UNC13C: variants seen among roughly 807,000 people sequenced by gnomAD.
The protein encoded by UNC13C is protein unc-13 homolog C.
Under a neutral mutation model 245.4 loss-of-function variants are expected in UNC13C, and 174 were observed. The ratio of observed to expected loss-of-function variants is 0.71; its 90% CI spans 0.63 to 0.80. The LOEUF is 0.80. Ranked by LOEUF, UNC13C falls within the 30% of genes least tolerant of loss-of-function variation. The pLI, the probability that UNC13C is intolerant of heterozygous loss-of-function variation, is 0.00. For missense variants in UNC13C, 2,829 were observed against 2,602.9 expected (o/e 1.09, Z -1.89); for synonymous variants, 992 against 895.1 (o/e 1.11, Z -1.93).
chr15:54,334,617 G>A (rs2038525808), intron 16 of UNC13C, among the ~76,000 whole-genome samples: 1 of 152,026 alleles, frequency 6.6e-6, no homozygotes, highest in Admixed American at 6.6e-5. Context: ...GACACAAAGG[G>A]AAACCATACT....
At chr15:54,569,631 A>T (rs1311462920) in intron 30 of UNC13C, among the ~76,000 whole-genome samples, 1 of 151,938 alleles carries the variant, frequency 6.6e-6, no homozygotes, top group Non-Finnish European at 1.5e-5. Context: ...ACTATGGTAT[A>T]TGGAATTTGG....
At chr15:53,974,246 G>A (rs1294768437), upstream of UNC13C, among the ~76,000 whole-genome samples, 1 of 152,132 alleles carries the variant, frequency 6.6e-6, no homozygotes, top group Non-Finnish European at 1.5e-5. Context: ...GGTTTGTTCT[G>A]GCACAAATTT....
chr15:53,889,760 T>C, the UNC13C span, among the ~76,000 whole-genome samples: 1 of 152,190 alleles, frequency 6.6e-6, no homozygotes, highest in Non-Finnish European at 1.5e-5. Flanking sequence ...GTTTTTAGCA[T>C]GAAGGGTGTT....
At chr15:54,401,399 A>G (rs2040180377) in intron 18 of UNC13C, among the ~76,000 whole-genome samples, 1 of 151,994 alleles carries the variant, frequency 6.6e-6, no homozygotes, top group African/African-American at 2.4e-5. Context: ...CTGTGATTAA[A>G]CTCCTCCTAC....
the UNC13C span, chr15:53,955,700 T>C: frequency 2.0e-5 from 3 of 152,118 alleles, no homozygotes; most frequent in African/African-American, 7.2e-5. Context: ...AGAAAGAGGA[T>C]TGGTTTTAAA....
intron 19 of UNC13C, among the ~76,000 whole-genome samples, chr15:54,468,342 A>G (rs1471606767): frequency 6.6e-6 from 1 of 151,544 alleles, no homozygotes; most frequent in Non-Finnish European, 1.5e-5. Flanking sequence ...GTATTAATGT[A>G]TTTTGGATAT....
intron 4 of UNC13C, among the ~76,000 whole-genome samples, chr15:54,198,369 T>TGAAAACACCACCTCCTG (rs1475055714): frequency 1.3e-5 from 2 of 152,094 alleles, no homozygotes; most frequent in Non-Finnish European, 2.9e-5. Context: ...GATGTACTCT[T>TGAAAACACCACCTCCTG]GAAAACACCA....
intron 25 of UNC13C, among the ~76,000 whole-genome samples, chr15:54,529,750 T>G (rs1210562841): frequency 2.6e-5 from 4 of 152,174 alleles, no homozygotes; most frequent in Admixed American, 2.6e-4. Context: ...GGGAATGACT[T>G]GACTGCAATA....
intron 2 of UNC13C, among the ~76,000 whole-genome samples, chr15:54,118,180 T>C (rs978334131): frequency 1.3e-5 from 2 of 152,164 alleles, no homozygotes; most frequent in African/African-American, 4.8e-5. Flanking sequence ...TTGTTTTTTC[T>C]ATTTTTGTGA....
At chr15:54,542,102 G>GGCATGCCA (rs1896272683) in intron 26 of UNC13C, among the ~76,000 whole-genome samples, 1 of 152,040 alleles carries the variant, frequency 6.6e-6, no homozygotes, top group Non-Finnish European at 1.5e-5. Context: ...AAACCTAGGT[G>GGCATGCCA]ACCGATATCA....
chr15:54,227,873 A>G (rs1236147762), intron 4 of UNC13C, among the ~76,000 whole-genome samples: 1 of 152,210 alleles, frequency 6.6e-6, no homozygotes, highest in Non-Finnish European at 1.5e-5. Flanking sequence ...TGTTCACTTA[A>G]GGCCCTGACG....
chr15:54,438,222 A>G (rs1044257841), intron 19 of UNC13C, among the ~76,000 whole-genome samples: 1 of 151,968 alleles, frequency 6.6e-6, no homozygotes, highest in South Asian at 2.1e-4. Flanking sequence ...TAAACTGCAT[A>G]AAGTCAGTGA....
chr15:54,448,278 T>A (rs1890946731), intron 19 of UNC13C, among the ~76,000 whole-genome samples: 1 of 152,212 alleles, frequency 6.6e-6, no homozygotes, highest in African/African-American at 2.4e-5. Flanking sequence ...GTTCTGTAGA[T>A]GTCTAGTAGG....
chr15:53,855,559 G>T, the UNC13C span, among the ~76,000 whole-genome samples: 1 of 152,188 alleles, frequency 6.6e-6, no homozygotes, highest in African/African-American at 2.4e-5. Context: ...TTATCATATG[G>T]TTTTTTGTCT....
chr15:54,350,036 GGAGT>G (rs2038946079), intron 17 of UNC13C, among the ~76,000 whole-genome samples: 2 of 151,732 alleles, frequency 1.3e-5, no homozygotes, highest in Admixed American at 1.3e-4. Flanking sequence ...CGCCCAGGCT[GGAGT>G]GAGTGCAGTG....
chr15:54,596,204 AT>A (rs915021236), intron 30 of UNC13C, among the ~76,000 whole-genome samples: 46 of 152,140 alleles, frequency 3.0e-4, no homozygotes, highest in African/African-American at 1.0e-3. Context: ...AGAAAGTTGT[AT>A]TTTTTTCATG....
At chr15:54,561,407 C>G (rs533954264) in intron 29 of UNC13C, among the ~76,000 whole-genome samples, 2 of 151,892 alleles carry the variant, frequency 1.3e-5, no homozygotes, top group Non-Finnish European at 1.5e-5. Context: ...AGTATGGACT[C>G]GAGATCAGGA....
the UNC13C span, among the ~76,000 whole-genome samples, chr15:53,867,363 A>T: frequency 2.0e-5 from 3 of 152,234 alleles, no homozygotes; most frequent in African/African-American, 7.2e-5. Flanking sequence ...ATAAAACATT[A>T]ACAACGTTTG....
chr15:53,852,546 A>G, the UNC13C span, among the ~76,000 whole-genome samples: 11 of 152,210 alleles, frequency 7.2e-5, no homozygotes, highest in African/African-American at 1.4e-4. Flanking sequence ...TGCATATTCT[A>G]TATCTGTGGA....
Sources: gnomAD v4.1 joint callset for allele counts (sites outside exome capture counted in the v4.1 genomes callset) on GRCh38, gnomAD v4.1.1 for gene constraint, MANE v1.5 for transcripts, NCBI Gene and HGNC (gene_info 2026-07-23, HGNC 2026-07-21) for gene names.